Variants in GALNT17 observed in about 807,000 individuals in gnomAD.
GALNT17 encodes UDP-GalNAc:polypeptide N-acetylgalactosaminyltransferase-like 3.
A neutral mutation model predicts 63.7 loss-of-function variants in GALNT17; 29 were observed. The observed-to-expected ratio is 0.46, with a 90% CI of 0.34 to 0.62. The LOEUF (loss-of-function observed/expected upper bound fraction) is 0.62, where lower values mean the gene tolerates loss of function less well. Ranked by LOEUF, GALNT17 falls within the 20% of genes least tolerant of loss-of-function variation. GALNT17 has a pLI of 0.01. For missense variants in GALNT17, 603 were observed against 799.6 expected (o/e 0.75, Z 2.97); for synonymous variants, 305 against 318.3 (o/e 0.96, Z 0.45).
At chr7:71,693,309 C>CACATATATATATATATATAT (rs1554325721) in intron 9 of GALNT17, among the ~76,000 whole-genome samples, 1 of 124,164 alleles carries the variant, frequency 8.1e-6, no homozygotes, top group African/African-American at 2.9e-5. Flanking sequence ...CACACACACA[C>CACATATATATATATATATAT]ATATATATAT....
intron 1 of GALNT17, among the ~76,000 whole-genome samples, chr7:71,203,648 C>T (rs928815212): frequency 6.6e-6 from 1 of 152,144 alleles, no homozygotes; most frequent in Non-Finnish European, 1.5e-5. Context: ...GCTCATGGTT[C>T]TGCAGGCTTT....
At chr7:71,268,885 TG>T (rs1460057753) in intron 1 of GALNT17, among the ~76,000 whole-genome samples, 1 of 152,088 alleles carries the variant, frequency 6.6e-6, no homozygotes, top group East Asian at 1.9e-4. Context: ...GTGGCCTACA[TG>T]GCTTCTTCTA....
At chr7:71,410,158 A>C (rs1281999955) in intron 3 of GALNT17, among the ~76,000 whole-genome samples, 3 of 152,140 alleles carry the variant, frequency 2.0e-5, no homozygotes, top group Non-Finnish European at 4.4e-5. Context: ...GGCACTAAGA[A>C]ACTATGATGA....
At position 71,139,111 on chromosome 7, in the gene GALNT17, T is replaced by C. The variant is rs555723484; in HGVS notation, c.238+6071T>C. On this transcript the variant is annotated intron_variant, in intron 1 of 10. Transcript: ENST00000333538. Reference sequence around the variant, plus strand: ...AGGAAGTTACTTATTTCTCTCATTTTAGAGGTGAGAAAGGTGAGAAACAGA... The same window carrying C: ...AGGAAGTTACTTATTTCTCTCATTTCAGAGGTGAGAAAGGTGAGAAACAGA... Among the ~76,000 whole-genome samples, 7 of 152,364 alleles carry C rather than the reference T, an allele frequency of 4.6e-5. No homozygotes were observed. The South Asian group carries it at 1.5e-3, about 32-fold the overall frequency.
At chr7:71,710,150 T>A (rs1317783012) in intron 9 of GALNT17, among the ~76,000 whole-genome samples, 1 of 152,194 alleles carries the variant, frequency 6.6e-6, no homozygotes, top group Non-Finnish European at 1.5e-5. Context: ...TCTTCATCTA[T>A]TCCTTCTCCC....
chr7:71,503,583 G>A (rs1212215211), intron 5 of GALNT17, among the ~76,000 whole-genome samples: 1 of 152,098 alleles, frequency 6.6e-6, no homozygotes, highest in Admixed American at 6.6e-5. Context: ...GTTTCCTACT[G>A]GGAATTATCT....
intron 6 of GALNT17, among the ~76,000 whole-genome samples, chr7:71,619,885 A>G (rs919480225): frequency 2.0e-5 from 3 of 152,128 alleles, no homozygotes; most frequent in South Asian, 4.1e-4. Context: ...AATGGGAACA[A>G]TTTGAGCTTT....
chr7:71,523,293 G>A (rs1249329146), intron 5 of GALNT17, among the ~76,000 whole-genome samples: 1 of 152,144 alleles, frequency 6.6e-6, no homozygotes, highest in African/African-American at 2.4e-5. Flanking sequence ...GTCAGGCGTG[G>A]TGGCGCACGC....
chr7:71,284,350 G>C (rs1696186753), intron 1 of GALNT17: 1 of 152,412 alleles, frequency 6.6e-6, no homozygotes, highest in Admixed American at 6.6e-5. Flanking sequence ...GTGTGTGCTA[G>C]CACACCCGGC....
chr7:71,319,064 C>G (rs184452862), intron 1 of GALNT17, among the ~76,000 whole-genome samples: 53 of 86,502 alleles, frequency 6.1e-4, no homozygotes, highest in African/African-American at 2.3e-3. Flanking sequence ...ATGTCTGAAC[C>G]ACATCCTCAG....
intron 5 of GALNT17, among the ~76,000 whole-genome samples, chr7:71,509,933 C>G (rs1788327930): frequency 7.8e-6 from 1 of 128,744 alleles, no homozygotes; most frequent in Admixed American, 9.0e-5. Context: ...ATGCAATTCT[C>G]CATTTAAAGT....
At chr7:71,194,842 T>C (rs1482589317) in intron 1 of GALNT17, among the ~76,000 whole-genome samples, 1 of 152,246 alleles carries the variant, frequency 6.6e-6, no homozygotes, top group Non-Finnish European at 1.5e-5. Context: ...ATCACGGTGC[T>C]GTCTCAGATT....
At chr7:71,430,243 G>A (rs1359436185) in intron 5 of GALNT17, among the ~76,000 whole-genome samples, 3 of 152,158 alleles carry the variant, frequency 2.0e-5, no homozygotes, top group African/African-American at 7.2e-5. Context: ...TATATATGGG[G>A]AAAAGAGTGA....
chr7:71,207,817 G>A (rs116114934), intron 1 of GALNT17, among the ~76,000 whole-genome samples: 2,131 of 152,224 alleles, frequency 0.014, 57 homozygotes, highest in African/African-American at 0.049. Flanking sequence ...AATGGAGTTC[G>A]TTGAAGGTGG....
At chr7:71,205,151 ACTT>A (rs1789247705) in intron 1 of GALNT17, among the ~76,000 whole-genome samples, 1 of 106,872 alleles carries the variant, frequency 9.4e-6, no homozygotes, top group African/African-American at 3.9e-5. Context: ...TTTACTTTTT[ACTT>A]TTTTTTTTTT....
intron 2 of GALNT17, among the ~76,000 whole-genome samples, chr7:71,384,603 T>C (rs1447957822): frequency 1.3e-5 from 2 of 152,178 alleles, no homozygotes; most frequent in Admixed American, 1.3e-4. Context: ...AAGACTTTAT[T>C]AATTAATGCT....
At chr7:71,700,485 C>G (rs1791615325) in intron 9 of GALNT17, among the ~76,000 whole-genome samples, 1 of 152,100 alleles carries the variant, frequency 6.6e-6, no homozygotes, top group Non-Finnish European at 1.5e-5. Flanking sequence ...ATTCAGATGG[C>G]TCTTGATGAG....
At chr7:71,590,922 G>A (rs1312550256) in intron 6 of GALNT17, among the ~76,000 whole-genome samples, 1 of 152,126 alleles carries the variant, frequency 6.6e-6, no homozygotes, top group East Asian at 1.9e-4. Context: ...ACCAAGCACA[G>A]CTAATTTTTT....
intron 1 of GALNT17, among the ~76,000 whole-genome samples, chr7:71,332,389 T>A (rs1791821843): frequency 6.6e-6 from 1 of 152,166 alleles, no homozygotes; most frequent in Non-Finnish European, 1.5e-5. Flanking sequence ...TCATATCCTG[T>A]GCACGCTTGA....
Sources: allele counts gnomAD v4.1 joint callset (sites outside exome capture counted in the v4.1 genomes callset), GRCh38; gene constraint gnomAD v4.1.1; transcripts MANE v1.5; gene names NCBI Gene and HGNC (gene_info 2026-07-23, HGNC 2026-07-21).